Variants in BCO1 observed in about 807,000 individuals in gnomAD.
BCO1 encodes the protein beta-carotene oxygenase 1.
Under a neutral mutation model 56.3 loss-of-function variants are expected in BCO1, and 54 were observed. The ratio of observed to expected loss-of-function variants is 0.96; its 90% CI spans 0.77 to 1.20. BCO1 has a LOEUF of 1.20. BCO1 is among the 50% of genes most tolerant of loss of function. BCO1 has a pLI of 0.00. For synonymous variants in BCO1, 318 were observed against 266.1 expected (o/e 1.20, Z -1.90); for missense variants, 801 against 690.9 (o/e 1.16, Z -1.79).
In BCO1 at chr16:81,259,812, G is replaced by A. The variant is rs371098882; in HGVS notation, c.323+7G>A. On this transcript the variant is annotated splice_region_variant and intron_variant, in intron 3 of 10. Transcript: ENST00000258168. ...GCAAAAACATATTTTCCAAGTAACT[G>A]CCTATTTTAAATCTGAGCAAATTTC... is the stretch of plus-strand genomic sequence containing the variant. The A allele has an allele frequency of 4.3e-6, 7 of 1,614,038 alleles. No homozygotes were observed. The African/African-American group carries it at 8.0e-5, about 18-fold the overall frequency.
rs773618146 is a variant in BCO1 at position 81,262,215 on chromosome 16, T to G, written c.403T>G (p.Phe135Val). The change falls in exon 4 of 11, where the codon TTC becomes GTC. Residue 135 changes from phenylalanine to valine, a missense_variant. Transcript: ENST00000258168. ...CAACATCATGAAGTGCGGAGAAGAC[T>G]TCTACGCGACCTCAGAGACCAATTA... ...LINIMKCGED[F>V]YATSETNYIR... is the part of the protein sequence containing the mutation. The G allele has an allele frequency of 6.2e-7, 1 of 1,613,832 alleles. No individual in the cohort carries two copies. Among genetic ancestry groups the G allele is most frequent in the South Asian group, 1.1e-5 (1 of 91,060 alleles).
rs1379310235 is a variant in BCO1 at position 81,280,863 on chromosome 16, G to C, written c.1108G>C (p.Glu370Gln). Residue 370 changes from glutamate to glutamine, a missense_variant, in exon 8 of 11, where the codon GAA becomes CAA. Transcript: ENST00000258168. ...GAAAACTGAATTTTTTCAGAATGCAGAAGTGGGCACAAATTTAATCAAAGT... is the reference window on the plus strand; with the variant it reads ...GAAAACTGAATTTTTTCAGAATGCACAAGTGGGCACAAATTTAATCAAAGT... The part of the protein sequence containing the change: ...AVPLHVDKNA[E>Q]VGTNLIKVAS... 6.2e-7 allele frequency: 1 copy of C among 1,612,930 alleles called. No homozygotes were observed. The highest frequency in any genetic ancestry group is 8.5e-7 in the Non-Finnish European group (1 of 1,179,012).
chr16:81,253,711 C>G (rs1341538961), intron 2 of BCO1, among the ~76,000 whole-genome samples: 1 of 152,172 alleles, frequency 6.6e-6, no homozygotes, highest in East Asian at 1.9e-4. Context: ...CACTTGTAAT[C>G]CCAGCACTTC....
At chr16:81,258,686 C>T (rs368406100) in intron 2 of BCO1, among the ~76,000 whole-genome samples, 65 of 152,336 alleles carry the variant, frequency 4.3e-4, no homozygotes, top group African/African-American at 1.4e-3. Context: ...GCCTGAGTTC[C>T]TTCCTATGGA....
chr16:81,243,233 C>T (rs1476036592), intron 1 of BCO1, among the ~76,000 whole-genome samples: 1 of 152,112 alleles, frequency 6.6e-6, no homozygotes, highest in Admixed American at 6.6e-5. Flanking sequence ...AGTTTTATCT[C>T]AAATTTTTTT....
chr16:81,263,683 AT>A (rs962046350), intron 4 of BCO1: 8 of 152,334 alleles, frequency 5.3e-5, no homozygotes, highest in Non-Finnish European at 8.8e-5. Flanking sequence ...AGAGGGAGGC[AT>A]TAGGCAAAAA....
intron 7 of BCO1, among the ~76,000 whole-genome samples, chr16:81,271,091 A>G (rs1567458238): frequency 6.7e-6 from 1 of 149,060 alleles, no homozygotes; most frequent in Admixed American, 6.7e-5. Context: ...TTGACACAGC[A>G]TACAATTTGC....
chr16:81,287,159 C>G, intron 9 of BCO1, 136 bp from the exon 10 acceptor site: 1 of 732,628 alleles, frequency 1.4e-6, no homozygotes, highest in Non-Finnish European at 2.5e-6. Flanking sequence ...AGGTAGCTGT[C>G]ATTGGGAGAC....
intron 1 of BCO1, among the ~76,000 whole-genome samples, chr16:81,240,321 A>G (rs1429447072): frequency 1.3e-5 from 2 of 152,188 alleles, no homozygotes; most frequent in African/African-American, 4.8e-5. Context: ...CTATATTTGT[A>G]AACAGTTTTT....
chr16:81,270,154 T>C lies in BCO1; in HGVS notation c.844-5T>C, dbSNP rs4889294. ...GCTGAGCCCTTGATATGTGTCCTTT[T>C]TCAGACTTATATCCACATCATCGAC... On this transcript the variant is annotated splice_region_variant and splice_polypyrimidine_tract_variant and intron_variant, in intron 6 of 10. Transcript: ENST00000258168. The C allele has an allele frequency of 0.41, 659,224 of 1,613,594 alleles. 143,711 individuals carry two copies. Among genetic ancestry groups the C allele is most frequent in the Non-Finnish European group, 0.45 (534,483 of 1,179,722 alleles).
intron 8 of BCO1, among the ~76,000 whole-genome samples, chr16:81,282,659 C>A (rs8050163): frequency 2.0e-5 from 3 of 151,470 alleles, no homozygotes; most frequent in Admixed American, 1.3e-4. Flanking sequence ...CATCCCTGCT[C>A]ACCCACCACA....
intron 7 of BCO1, among the ~76,000 whole-genome samples, 198 bp from the exon 8 acceptor site, chr16:81,280,659 T>C (rs1389771889): frequency 6.6e-6 from 1 of 151,448 alleles, no homozygotes; most frequent in African/African-American, 2.4e-5. Context: ...CTTGGAGGAG[T>C]CACCTTAAAT....
intron 2 of BCO1, among the ~76,000 whole-genome samples, chr16:81,253,171 G>T (rs1247090667): frequency 6.6e-6 from 1 of 152,010 alleles, no homozygotes; most frequent in Non-Finnish European, 1.5e-5. Flanking sequence ...GTGATTCCCA[G>T]CTTCCAGTCA....
chr16:81,251,890 G>GTGTGTGTGTATA (rs1286111425), intron 2 of BCO1, among the ~76,000 whole-genome samples: 1 of 150,292 alleles, frequency 6.7e-6, no homozygotes, highest in Admixed American at 6.6e-5. Flanking sequence ...GTGTGTGTGT[G>GTGTGTGTGTATA]TATATATATC....
intron 2 of BCO1, among the ~76,000 whole-genome samples, chr16:81,252,422 A>C (rs962883234): frequency 6.6e-6 from 1 of 151,856 alleles, no homozygotes; most frequent in Non-Finnish European, 1.5e-5. Context: ...TGCCCAGCTA[A>C]TTTTTATATT....
intron 8 of BCO1, among the ~76,000 whole-genome samples, chr16:81,284,190 C>T (rs1908035141): frequency 6.7e-6 from 1 of 150,360 alleles, no homozygotes; most frequent in African/African-American, 2.4e-5. Flanking sequence ...TAGACTCCAT[C>T]TCAAAACAAC....
intron 7 of BCO1, among the ~76,000 whole-genome samples, chr16:81,273,087 A>C (rs1020725081): frequency 2.0e-5 from 3 of 151,996 alleles, no homozygotes; most frequent in Non-Finnish European, 4.4e-5. Context: ...CTCCTGTCTC[A>C]GTTTCCCAAG....
At chr16:81,281,872 A>G (rs1433259095) in intron 8 of BCO1, among the ~76,000 whole-genome samples, 1 of 152,256 alleles carries the variant, frequency 6.6e-6, no homozygotes, top group Non-Finnish European at 1.5e-5. Flanking sequence ...AGACATTGCC[A>G]GCATCTCATG....
At chr16:81,262,836 CAAA>C (rs1157316912) in intron 4 of BCO1, 1,164 of 112,830 alleles carry the variant, frequency 0.01, 18 homozygotes, top group African/African-American at 0.036. Flanking sequence ...CAAACAAAAA[CAAA>C]AAAAAAAAAA....
Sources: allele counts gnomAD v4.1 joint callset (sites outside exome capture counted in the v4.1 genomes callset), GRCh38; gene constraint gnomAD v4.1.1; transcripts MANE v1.5; gene names NCBI Gene and HGNC (gene_info 2026-07-23, HGNC 2026-07-21).